The following FANCC variants were observed in gnomAD, a reference collection of about 807,000 sequenced individuals.
FANCC encodes the protein Fanconi anemia group C protein.
In FANCC, 55 loss-of-function variants were observed where a neutral mutation model predicts 71.3. The observed-to-expected ratio is 0.77, with a 90% CI of 0.62 to 0.97. The LOEUF (loss-of-function observed/expected upper bound fraction) is 0.97. Among genes scored for constraint, FANCC ranks in the 50% least tolerant of loss-of-function variants. The pLI, the probability that FANCC is intolerant of heterozygous loss-of-function variation, is 0.00. For synonymous variants in FANCC, 275 were observed against 244.9 expected, an observed-to-expected ratio of 1.12 and a Z score of -1.15; for missense variants, 678 against 670.9, an observed-to-expected ratio of 1.01 and a Z score of -0.12.
At chr9:95,127,130 T>G (rs1284487090) in intron 8 of FANCC, 3 of 153,296 alleles carry the variant, frequency 2.0e-5, no homozygotes, top group African/African-American at 7.3e-5. Flanking sequence ...GAAAAGGGGG[T>G]TCATGAAGAA....
chr9:95,180,350 T>G (rs188049634), intron 4 of FANCC, among the ~76,000 whole-genome samples: 1,499 of 148,260 alleles, frequency 0.01, 28 homozygotes, highest in African/African-American at 0.036. Flanking sequence ...TTTTTTTTTT[T>G]TTTTTTTTTT....
chr9:95,242,167 T>C (rs992138869), intron 3 of FANCC, among the ~76,000 whole-genome samples: 3 of 152,188 alleles, frequency 2.0e-5, no homozygotes, highest in African/African-American at 7.2e-5. Flanking sequence ...TCTGAGGCCA[T>C]TCATTTTTTT....
chr9:95,118,843 G>A (rs997254286), intron 10 of FANCC, among the ~76,000 whole-genome samples: 4 of 152,206 alleles, frequency 2.6e-5, no homozygotes, highest in Non-Finnish European at 5.9e-5. Context: ...GCTGCTTCCA[G>A]TTTGGGGCTG....
chr9:95,206,382 G>A (rs1010779609), intron 4 of FANCC, among the ~76,000 whole-genome samples: 8 of 151,718 alleles, frequency 5.3e-5, no homozygotes, highest in African/African-American at 1.5e-4. Context: ...CTGCCAGCGC[G>A]GTCTGTGCCA....
chr9:95,288,640 C>A (rs1056565950), intron 1 of FANCC, among the ~76,000 whole-genome samples: 1 of 152,168 alleles, frequency 6.6e-6, no homozygotes, highest in Non-Finnish European at 1.5e-5. Context: ...GGTTACCAAG[C>A]TCTTGCCAGG....
At chr9:95,127,252 C>G (rs2134987095) in intron 8 of FANCC, 1 of 152,832 alleles carries the variant, frequency 6.5e-6, no homozygotes, top group South Asian at 2.1e-4. Flanking sequence ...GCTTCACTGG[C>G]CCAGTCCCTG....
At chr9:95,227,303 G>A (rs1829680508) in intron 4 of FANCC, among the ~76,000 whole-genome samples, 2 of 152,170 alleles carry the variant, frequency 1.3e-5, no homozygotes, top group African/African-American at 4.8e-5. Flanking sequence ...ACCATACTGG[G>A]CCAGGCAGGC....
chr9:95,218,547 C>T (rs1157435426), intron 4 of FANCC, among the ~76,000 whole-genome samples: 2 of 152,108 alleles, frequency 1.3e-5, no homozygotes, highest in African/African-American at 2.4e-5. Context: ...TTCTCATGAA[C>T]ATAGACATAA....
intron 4 of FANCC, among the ~76,000 whole-genome samples, chr9:95,191,761 C>A (rs1181585677): frequency 3.3e-5 from 5 of 151,954 alleles, no homozygotes; most frequent in African/African-American, 4.8e-5. Flanking sequence ...CCTTCAAATC[C>A]TCTCCCTCAT....
At chr9:95,315,199 T>TC (rs759563872) in intron 1 of FANCC, among the ~76,000 whole-genome samples, 1 of 152,196 alleles carries the variant, frequency 6.6e-6, no homozygotes, top group Non-Finnish European at 1.5e-5. Flanking sequence ...TAGCCCCCAG[T>TC]CCAACTCTGG....
intron 4 of FANCC, among the ~76,000 whole-genome samples, chr9:95,172,507 A>G (rs1829597199): frequency 6.6e-6 from 1 of 152,178 alleles, no homozygotes; most frequent in Non-Finnish European, 1.5e-5. Flanking sequence ...TCAGATGGGT[A>G]ACGTGCCGAT....
chr9:95,247,132 A>G (rs1226319612), intron 3 of FANCC, among the ~76,000 whole-genome samples: 1 of 152,220 alleles, frequency 6.6e-6, no homozygotes, highest in African/African-American at 2.4e-5. Flanking sequence ...GCAAAAGTAG[A>G]TATTTAAATC....
At chr9:95,226,894 A>G (rs1200029558) in intron 4 of FANCC, among the ~76,000 whole-genome samples, 1 of 152,162 alleles carries the variant, frequency 6.6e-6, no homozygotes, top group Non-Finnish European at 1.5e-5. Flanking sequence ...GGACTGATGG[A>G]TGTAGAGCTA....
chr9:95,156,003 G>A (rs916639671), intron 6 of FANCC, among the ~76,000 whole-genome samples: 24 of 151,746 alleles, frequency 1.6e-4, no homozygotes, highest in African/African-American at 5.6e-4. Context: ...TGGGATTACA[G>A]GAGTGAGCCA....
At chr9:95,136,768 G>GC (rs1173103047) in intron 7 of FANCC, among the ~76,000 whole-genome samples, 4 of 152,170 alleles carry the variant, frequency 2.6e-5, no homozygotes, top group Admixed American at 2.6e-4. Flanking sequence ...ACAGGCCTGA[G>GC]CCCCACTACT....
chr9:95,115,188 C>T (rs140900184), intron 11 of FANCC, among the ~76,000 whole-genome samples: 1,582 of 152,268 alleles, frequency 0.01, 28 homozygotes, highest in African/African-American at 0.037. Flanking sequence ...GTGATCCTCC[C>T]GCCTTGGCCT....
chr9:95,303,312 T>C (rs1347639085), intron 1 of FANCC, among the ~76,000 whole-genome samples: 1 of 152,254 alleles, frequency 6.6e-6, no homozygotes, highest in African/African-American at 2.4e-5. Context: ...TGACTTGTGC[T>C]AACTCACAAA....
intron 3 of FANCC, among the ~76,000 whole-genome samples, chr9:95,246,253 G>C (rs2136083552): frequency 6.6e-6 from 1 of 152,304 alleles, no homozygotes; most frequent in Admixed American, 6.5e-5. Flanking sequence ...GTGGGAAGGA[G>C]GAGGGACATA....
chr9:95,184,910 C>A (rs1826613730), intron 4 of FANCC, among the ~76,000 whole-genome samples: 1 of 152,212 alleles, frequency 6.6e-6, no homozygotes, highest in Non-Finnish European at 1.5e-5. Context: ...TAAAGCTAAT[C>A]AGATACTTCA....
Sources: allele counts gnomAD v4.1 joint callset (sites outside exome capture counted in the v4.1 genomes callset), GRCh38; gene constraint gnomAD v4.1.1; transcripts MANE v1.5; gene names NCBI Gene and HGNC (gene_info 2026-07-23, HGNC 2026-07-21).